KDM7A: variants seen among roughly 807,000 people sequenced by gnomAD.
KDM7A encodes the protein lysine demethylase 7A, also known as lysine-specific demethylase 7A.
In KDM7A, 28 loss-of-function variants were observed where a neutral mutation model predicts 114.8. That is an observed-to-expected ratio of 0.24 (90% CI 0.18 to 0.33). KDM7A has a LOEUF of 0.33. Among genes scored for constraint, KDM7A ranks in the 10% least tolerant of loss-of-function variants. The pLI is 1.00. For synonymous variants in KDM7A, 423 were observed against 397.8 expected, an observed-to-expected ratio of 1.06 and a Z score of -0.75; for missense variants, 942 against 1,142.5, an observed-to-expected ratio of 0.82 and a Z score of 2.53.
chr7:140,097,278 T>A (rs1277173750), intron 15 of KDM7A, among the ~76,000 whole-genome samples: 1 of 152,140 alleles, frequency 6.6e-6, no homozygotes, highest in Admixed American at 6.5e-5. Context: ...TAAAATATAA[T>A]CCATGAGAAA....
At chr7:140,110,945 T>C (rs1051582234) in intron 11 of KDM7A, 150 bp downstream of exon 11, 1 of 475,858 alleles carries the variant, frequency 2.1e-6, no homozygotes, top group Non-Finnish European at 3.7e-6. Context: ...TTCAGAGGCC[T>C]GAAAACCTGA....
At chr7:140,165,299 A>T (rs1794561791) in intron 1 of KDM7A, among the ~76,000 whole-genome samples, 1 of 152,206 alleles carries the variant, frequency 6.6e-6, no homozygotes, top group East Asian at 1.9e-4. Flanking sequence ...GTTTTTTAAA[A>T]ATTTAGAAAC....
intron 14 of KDM7A, 137 bp downstream of exon 14, chr7:140,098,742 G>T: frequency 2.8e-6 from 2 of 724,020 alleles, no homozygotes; most frequent in Non-Finnish European, 4.5e-6. Flanking sequence ...TCATACTTCA[G>T]ATTTTTCAAG....
At chr7:140,098,203 G>C (rs896583635) in intron 14 of KDM7A, among the ~76,000 whole-genome samples, 27 of 152,164 alleles carry the variant, frequency 1.8e-4, no homozygotes, top group African/African-American at 6.5e-4. Flanking sequence ...CAGGAACTGG[G>C]GTGTTCAACA....
Position 140,087,321 on chromosome 7 carries a change from G to T in KDM7A, c.*3773C>A, listed in dbSNP as rs1287775350. Reference sequence around the variant, plus strand: ...CATCTTTCAGTTAAATCATCTTAACGTACTTGAGGATACACATTCTCACTC... The same window carrying T: ...CATCTTTCAGTTAAATCATCTTAACTTACTTGAGGATACACATTCTCACTC... On this transcript the variant is annotated 3_prime_UTR_variant, in exon 20 of 20. Transcript: ENST00000397560. 6.6e-6 allele frequency: 1 copy of T among 152,074 alleles called. No homozygotes were observed. Among genetic ancestry groups the T allele is most frequent in the Non-Finnish European group, 1.5e-5 (1 of 68,022 alleles). 9.4% of individuals were successfully genotyped at this position (152,074 alleles called of 1,614,324 possible).
intron 2 of KDM7A, among the ~76,000 whole-genome samples, chr7:140,138,575 C>T (rs1818905502): frequency 6.6e-6 from 1 of 152,068 alleles, no homozygotes; most frequent in East Asian, 1.9e-4. Context: ...TTCCTCAGAT[C>T]TCAGGAAGGG....
chr7:140,100,107 C>G, intron 12 of KDM7A, 84 bp from the exon 13 acceptor site: 1 of 1,405,414 alleles, frequency 7.1e-7, no homozygotes, highest in Non-Finnish European at 1.0e-6. Context: ...ACCACCACCT[C>G]CCCCATGGTC....
intron 1 of KDM7A, among the ~76,000 whole-genome samples, chr7:140,156,713 G>A (rs1468611740): frequency 2.0e-5 from 3 of 152,222 alleles, no homozygotes; most frequent in African/African-American, 4.8e-5. Context: ...TTTCAGACCT[G>A]CTTCAAGTAC....
In KDM7A at chr7:140,088,396, T is replaced by C. The variant is rs572418845; in HGVS notation, c.*2698A>G. The C allele has an allele frequency of 2.5e-6, 1 of 397,342 alleles. No homozygotes were observed. Among genetic ancestry groups the C allele is most frequent in the South Asian group, 1.3e-4 (1 of 7,738 alleles). 24.6% of individuals were successfully genotyped at this position (397,342 alleles called of 1,614,324 possible). A position where few individuals can be genotyped will look rare whatever the true frequency, so the allele number is the denominator to read the frequency against. ...CTATTCCTATTACTAAAGTTGCATA[T>C]GTTAATCATAATTCTCAATTTTACA... On this transcript the variant is annotated 3_prime_UTR_variant, in exon 20 of 20. Transcript: ENST00000397560.
At chr7:140,134,662 T>C (rs1307513295) in intron 2 of KDM7A, among the ~76,000 whole-genome samples, 1 of 151,854 alleles carries the variant, frequency 6.6e-6, no homozygotes, top group Non-Finnish European at 1.5e-5. Context: ...ATCAAAAAAA[T>C]AAGATGGGTA....
intron 1 of KDM7A, among the ~76,000 whole-genome samples, chr7:140,145,903 T>C (rs952920075): frequency 2.0e-5 from 3 of 151,904 alleles, no homozygotes; most frequent in African/African-American, 7.3e-5. Flanking sequence ...CCCATGAGGG[T>C]TAGGGAAAAA....
chr7:140,148,276 G>T (rs566517981), intron 1 of KDM7A, among the ~76,000 whole-genome samples: 1 of 152,086 alleles, frequency 6.6e-6, no homozygotes, highest in Non-Finnish European at 1.5e-5. Context: ...TTAGATGGTG[G>T]AGTTGAGAAA....
At chr7:140,127,133 G>A (rs1402202779) in intron 5 of KDM7A, among the ~76,000 whole-genome samples, 1 of 152,124 alleles carries the variant, frequency 6.6e-6, no homozygotes, top group African/African-American at 2.4e-5. Flanking sequence ...GCTGATTTTT[G>A]TATTTTTAGT....
chr7:140,135,091 T>C (rs1818846198), intron 2 of KDM7A, among the ~76,000 whole-genome samples: 1 of 151,552 alleles, frequency 6.6e-6, no homozygotes, highest in African/African-American at 2.4e-5. Context: ...GCAAACTTCC[T>C]AGGAAATTCC....
chr7:140,167,129 T>C (rs1794585415), intron 1 of KDM7A, among the ~76,000 whole-genome samples: 1 of 151,846 alleles, frequency 6.6e-6, no homozygotes, highest in African/African-American at 2.4e-5. Context: ...ATAAAAGAGG[T>C]AATACTATTC....
At position 140,099,948 on chromosome 7, in the gene KDM7A, C is replaced by T; in HGVS notation, c.1714G>A (p.Ala572Thr). Reference protein sequence around the residue: ...QPSSTVPEWRAKDNDLRLLLT... With the variant: ...QPSSTVPEWRTKDNDLRLLLT... ...AGTAATCGTAGATCATTATCTTTCG[C>T]TCTCCATTCAGGTACTGTGGAGGAT... The change falls in exon 13 of 20, where the codon GCG becomes ACG. Residue 572 changes from alanine (A) to threonine (T), a missense_variant. Transcript: ENST00000397560. 2.5e-6 allele frequency: 4 copies of T among 1,612,160 alleles called. No homozygotes were observed. Among genetic ancestry groups the T allele is most frequent in the South Asian group, 2.2e-5 (2 of 91,058 alleles).
chr7:140,129,368 T>C (rs1818752519), intron 4 of KDM7A, 125 bp downstream of exon 4: 2 of 774,038 alleles, frequency 2.6e-6, no homozygotes, highest in East Asian at 2.7e-5. Context: ...TAGATGATAC[T>C]GAGCCTCACT....
intron 18 of KDM7A, among the ~76,000 whole-genome samples, chr7:140,093,722 A>G (rs1388534402): frequency 1.3e-5 from 2 of 152,262 alleles, no homozygotes; most frequent in African/African-American, 4.8e-5. Context: ...TTCAAGAAAC[A>G]GCATCAGAGA....
At chr7:140,091,685 T>C in intron 19 of KDM7A, 119 bp downstream of exon 19, 1 of 1,088,922 alleles carries the variant, frequency 9.2e-7, no homozygotes, top group Non-Finnish European at 1.4e-6. Flanking sequence ...GCCATCACTA[T>C]GCTGTCTACT....
Sources: allele counts gnomAD v4.1 joint callset (sites outside exome capture counted in the v4.1 genomes callset), GRCh38; gene constraint gnomAD v4.1.1; transcripts MANE v1.5; gene names NCBI Gene and HGNC (gene_info 2026-07-23, HGNC 2026-07-21).